Variants in OGT observed in about 807,000 individuals in gnomAD.
OGT encodes the protein UDP-N-acetylglucosamine--peptide N-acetylglucosaminyltransferase 110 kDa subunit.
Under a neutral mutation model 75.8 loss-of-function variants are expected in OGT, and 3 were observed. The observed-to-expected ratio is 0.04, with a 90% confidence interval of 0.02 to 0.10. The LOEUF is 0.10. Ranked by LOEUF, OGT falls within the 10% of genes least tolerant of loss-of-function variation. The probability of loss-of-function intolerance (pLI) is 1.00; values close to 1 mark genes in which losing one functional copy is unlikely to be tolerated. For synonymous variants in OGT, 257 were observed against 289.7 expected (o/e 0.89, Z 1.15); for missense variants, 260 against 824.4 (o/e 0.32, Z 8.38).
intron 3 of OGT, among the ~76,000 whole-genome samples, chrX:71,543,264 A>G (rs1021046274): frequency 1.8e-5 from 2 of 111,819 alleles, no homozygotes; most frequent in African/African-American, 6.5e-5. Context: ...CCCATGGAAC[A>G]GTTTGGAATA....
intron 21 of OGT, 23 bp from the exon 22 acceptor site, chrX:71,573,597 G>T: frequency 8.6e-7 from 1 of 1,162,115 alleles, no homozygotes; most frequent in African/African-American, 1.8e-5. Flanking sequence ...TTGTAAACTG[G>T]GTTCTTGTTT....
At chrX:71,549,295 CAA>C (rs35779562) in intron 5 of OGT, among the ~76,000 whole-genome samples, 412 of 21,778 alleles carry the variant, frequency 0.019, 3 homozygotes, top group African/African-American at 0.07. Flanking sequence ...GGCCCTGTCT[CAA>C]AAAAAAAAAA....
At chrX:71,562,149 AT>A (rs1262487731) in intron 15 of OGT, among the ~76,000 whole-genome samples, 1 of 112,516 alleles carries the variant, frequency 8.9e-6, no homozygotes, top group Non-Finnish European at 1.9e-5. Context: ...TTTGAAGAAC[AT>A]TTTAGCATTT....
intron 5 of OGT, 27 bp from the exon 6 acceptor site, chrX:71,554,486 A>C (rs1569427548): frequency 9.0e-7 from 1 of 1,113,223 alleles, no homozygotes; most frequent in Admixed American, 2.2e-5. Flanking sequence ...ACTTGCTCTG[A>C]GTAACTAACT....
chrX:71,566,459 C>G (rs1189716905), intron 19 of OGT, among the ~76,000 whole-genome samples: 1 of 111,858 alleles, frequency 8.9e-6, no homozygotes, highest in Non-Finnish European at 1.9e-5. Flanking sequence ...TGTCCTTCTT[C>G]GCGTGATGGC....
chrX:71,544,711 A>G (rs2040247403), intron 4 of OGT, 76 bp downstream of exon 4: 1 of 809,429 alleles, frequency 1.2e-6, no homozygotes, highest in Non-Finnish European at 1.8e-6. Context: ...TCAACTCTTC[A>G]TTGAGCTATC....
chrX:71,567,851 A>T (rs2040426331), intron 20 of OGT, 99 bp downstream of exon 20: 2 of 1,085,054 alleles, frequency 1.8e-6, no homozygotes, highest in Admixed American at 5.6e-5. Flanking sequence ...TAGGAGCAAC[A>T]TTAAAGGAAA....
At chrX:71,548,148 A>C in intron 5 of OGT, 125 bp downstream of exon 5, 2 of 662,106 alleles carry the variant, frequency 3.0e-6, no homozygotes, top group African/African-American at 4.4e-5. Context: ...TATAGGCAGT[A>C]TGTGACTTAC....
chrX:71,555,774 C>A, intron 7 of OGT, 180 bp from the exon 8 acceptor site: 1 of 492,658 alleles, frequency 2.0e-6, no homozygotes, highest in Non-Finnish European at 3.3e-6. Flanking sequence ...GTCTTTTGTA[C>A]AAGTATTGAG....
intron 21 of OGT, 39 bp downstream of exon 21, chrX:71,568,155 TAGAG>T: frequency 9.0e-7 from 1 of 1,108,783 alleles, no homozygotes; most frequent in South Asian, 2.1e-5. Context: ...TTTGGTAAAG[TAGAG>T]AGAATATAGC....
chrX:71,557,309 A>G lies in OGT; in HGVS notation c.1422+13A>G. On this transcript the variant is annotated intron_variant, in intron 11 of 21. Coordinates refer to ENST00000373719, the MANE Select transcript of OGT (RefSeq NM_181672.3). ...TCATTGCCTGCAGGTAAAGAATAAC[A>G]GGCCAGTAATTGGCTCTCAGTGTTG... is the stretch of plus-strand genomic sequence containing the variant. 1 of 1,158,333 alleles carries G rather than the reference A, an allele frequency of 8.6e-7. No individual in the cohort carries two copies. Among genetic ancestry groups the G allele is most frequent in the South Asian group, 1.9e-5 (1 of 53,964 alleles).
rs762300696 is a variant in OGT at position 71,540,775 on chromosome X, C to T, written c.462+2703C>T. ...GCAACCTCTGCCTCCTGGGTTCAAA[C>T]GATTCTTCTGCCTCAGCCTCCGAAG... On this transcript the variant is annotated intron_variant, in intron 3 of 21. Coordinates refer to ENST00000373719, the MANE Select transcript of OGT (RefSeq NM_181672.3). Among the ~76,000 whole-genome samples the T allele has an allele frequency of 9.2e-5, 10 of 108,235 alleles. No individual in the cohort carries two copies. The East Asian group carries it at 2.9e-3, about 31-fold the overall frequency. The allele number at this position is 108,235 out of a possible 115,157, so 94.0% of individuals were successfully genotyped here.
In OGT at chrX:71,554,521, C is replaced by T; in HGVS notation, c.657C>T (p.Thr219=). The T allele has an allele frequency of 8.3e-7, 1 of 1,206,533 alleles. No individual in the cohort carries two copies. Among genetic ancestry groups the T allele is most frequent in the Non-Finnish European group, 1.1e-6 (1 of 891,365 alleles). ...LAIHHFEKAV[T]LDPNFLDAYI... ...TGTCTTGAAATTTTTAGGCTGTCAC[C>T]CTTGACCCAAACTTTCTGGATGCTT... Residue 219 remains threonine, a synonymous_variant, in exon 6 of 22, where the codon ACC becomes ACT. Transcript: ENST00000373719.
intron 5 of OGT, among the ~76,000 whole-genome samples, chrX:71,550,592 G>A (rs747524914): frequency 2.7e-5 from 3 of 111,452 alleles, no homozygotes; most frequent in South Asian, 3.7e-4. Context: ...TCCTTTGCCC[G>A]TATTTTAATG....
rs141124578 is a variant in OGT at position 71,563,363 on chromosome X, G to A, written c.2300G>A (p.Ser767Asn). ...KCPDGGDNAD[S>N]SNTALNMPVI... ...CCTGATGGAGGAGACAATGCAGATA[G>A]CAGTAACACAGCTCTTAATATGCCT... is the stretch of plus-strand genomic sequence containing the variant. Residue 767 changes from serine (S) to asparagine (N), a missense_variant, in exon 18 of 22, where the codon AGC (serine) becomes AAC (asparagine). Physicochemically the swap from Ser to Asn is conservative, Grantham distance 46. Transcript: ENST00000373719. 2 of 1,206,224 alleles carry A rather than the reference G, an allele frequency of 1.7e-6. No homozygotes were observed. The highest frequency in any genetic ancestry group is 1.8e-5 in the African/African-American group (1 of 56,979).
chrX:71,571,126 T>C (rs2040455845), intron 21 of OGT, among the ~76,000 whole-genome samples: 2 of 110,644 alleles, frequency 1.8e-5, no homozygotes, highest in African/African-American at 6.6e-5. Flanking sequence ...AAAATTTTTA[T>C]TAGACTCTTT....
intron 12 of OGT, 88 bp downstream of exon 12, chrX:71,557,760 G>A (rs996088925): frequency 1.2e-6 from 1 of 842,427 alleles, no homozygotes; most frequent in Non-Finnish European, 1.6e-6. Flanking sequence ...CTTAATGAAC[G>A]ATTATAAAGT....
intron 21 of OGT, 103 bp downstream of exon 21, chrX:71,568,219 A>G: frequency 1.5e-6 from 1 of 658,194 alleles, no homozygotes; most frequent in East Asian, 3.6e-5. Flanking sequence ...TAGGTGAACT[A>G]GTTGTATGCC....
chrX:71,541,445 G>A (rs1402767651), intron 3 of OGT, among the ~76,000 whole-genome samples: 1 of 112,119 alleles, frequency 8.9e-6, no homozygotes, highest in East Asian at 2.8e-4. Flanking sequence ...GTTAGGAAAT[G>A]GGGAGATGTG....
Sources: gnomAD v4.1 joint callset for allele counts (sites outside exome capture counted in the v4.1 genomes callset) on GRCh38, gnomAD v4.1.1 for gene constraint, MANE v1.5 for transcripts, NCBI Gene and HGNC (gene_info 2026-07-23, HGNC 2026-07-21) for gene names.